Variants in TAF1B observed in about 807,000 individuals in gnomAD.
The protein encoded by TAF1B is TATA-box binding protein associated factor, RNA polymerase I subunit B.
A neutral mutation model predicts 83.9 loss-of-function variants in TAF1B; 61 were observed. The observed-to-expected ratio is 0.73, with a 90% CI of 0.59 to 0.90. The LOEUF is 0.90. TAF1B is among the 40% of genes least tolerant of loss of function. The probability of loss-of-function intolerance (pLI) is 0.00; values close to 1 mark genes in which losing one functional copy is unlikely to be tolerated. For synonymous variants in TAF1B, 221 were observed against 224.6 expected (o/e 0.98, Z 0.14); for missense variants, 625 against 677.0 (o/e 0.92, Z 0.85).
intron 8 of TAF1B, among the ~76,000 whole-genome samples, chr2:9,883,548 A>C (rs769907684): frequency 2.4e-4 from 36 of 152,296 alleles, no homozygotes; most frequent in Middle Eastern, 3.4e-3. Context: ...GTTGAGGTTT[A>C]TCCCTTTCCA....
chr2:9,854,473 A>G (rs1467881019), intron 5 of TAF1B, 52 bp downstream of exon 5: 3 of 1,366,552 alleles, frequency 2.2e-6, no homozygotes, highest in Non-Finnish European at 3.1e-6. Context: ...GTTGAGATGT[A>G]GAGATGAAGA....
intron 5 of TAF1B, 100 bp from the exon 6 acceptor site, chr2:9,868,176 T>TGTG: frequency 7.8e-7 from 1 of 1,280,894 alleles, no homozygotes. Flanking sequence ...TCTAGAGTGG[T>TGTG]TTCTTTTAGG....
rs754366339 is a variant in TAF1B, at chr2:9,904,843, C to T, written c.808-16C>T. 8 of 1,602,976 alleles carry T rather than the reference C, an allele frequency of 5.0e-6. No individual in the cohort carries two copies. The East Asian group carries it at 1.8e-4, about 36-fold the overall frequency. On this transcript the variant is annotated splice_polypyrimidine_tract_variant and intron_variant, in intron 8 of 14. Transcript: ENST00000263663. ...TTGCAAAAATTGCAACTATGATGGT[C>T]TCTCTTTTATTTCAGTCTTGGCCTG...
intron 8 of TAF1B, among the ~76,000 whole-genome samples, chr2:9,901,962 A>T (rs550195136): frequency 6.6e-6 from 1 of 152,196 alleles, no homozygotes; most frequent in Non-Finnish European, 1.5e-5. Context: ...CTTCAGCTAC[A>T]GATCAATCAT....
intron 14 of TAF1B, 21 bp downstream of exon 14, chr2:9,919,841 A>G: frequency 1.9e-6 from 3 of 1,599,648 alleles, no homozygotes; most frequent in Non-Finnish European, 2.6e-6. Flanking sequence ...TTTTAGAAAA[A>G]GTCACATATA....
intron 5 of TAF1B, among the ~76,000 whole-genome samples, chr2:9,857,922 A>G (rs1002784328): frequency 1.3e-5 from 2 of 152,124 alleles, no homozygotes; most frequent in African/African-American, 2.4e-5. Flanking sequence ...AGAGATTTGG[A>G]TGGGGACAGA....
intron 7 of TAF1B, among the ~76,000 whole-genome samples, chr2:9,878,712 C>G (rs73913906): frequency 2.6e-5 from 4 of 152,204 alleles, no homozygotes; most frequent in Non-Finnish European, 5.9e-5. Flanking sequence ...CATCTAGACC[C>G]TTGCGATGCA....
intron 14 of TAF1B, among the ~76,000 whole-genome samples, chr2:9,933,566 G>T (rs1666282199): frequency 6.6e-6 from 1 of 152,190 alleles, no homozygotes; most frequent in South Asian, 2.1e-4. Flanking sequence ...AGCACCACCT[G>T]TGGCCCTTGT....
Position 9,911,545 on chromosome 2 carries a change from A to T in TAF1B, c.1168A>T (p.Lys390Ter). 6.6e-7 allele frequency: 1 copy of T among 1,521,456 alleles called. No individual in the cohort carries two copies. Among genetic ancestry groups the T allele is most frequent in the Non-Finnish European group, 8.9e-7 (1 of 1,127,230 alleles). 94.2% of individuals were successfully genotyped at this position (1,521,456 alleles called of 1,614,324 possible). A position where few individuals can be genotyped will look rare whatever the true frequency, so the allele number is the denominator to read the frequency against. The change falls in exon 11 of 15, where the codon AAG (lysine) becomes TAG (stop). Residue 390 changes from lysine to a stop codon, truncating the protein, a stop_gained. Transcript: ENST00000263663. LOFTEE classifies it high-confidence loss of function. ...LSNLAEKHNE[K>*]NKKDKPWFDF... ...TAATCTTGCTGAAAAGCATAATGAA[A>T]AGAACAAAAAAGGTATTTTAATTTT...
chr2:9,886,157 A>C (rs1664667882), intron 8 of TAF1B, among the ~76,000 whole-genome samples: 1 of 152,192 alleles, frequency 6.6e-6, no homozygotes, highest in Non-Finnish European at 1.5e-5. Context: ...TCCAGACTGG[A>C]AAAACTTTTC....
chr2:9,890,673 G>C (rs144604827), intron 8 of TAF1B, among the ~76,000 whole-genome samples: 371 of 152,118 alleles, frequency 2.4e-3, no homozygotes, highest in Non-Finnish European at 3.9e-3. Context: ...GTGATATTTT[G>C]AGATATGTTT....
At chr2:9,882,347 C>G (rs563607326) in intron 7 of TAF1B, among the ~76,000 whole-genome samples, 1 of 152,292 alleles carries the variant, frequency 6.6e-6, no homozygotes, top group South Asian at 2.1e-4. Flanking sequence ...ATCCGCTTGC[C>G]TTGGCCTCCC....
chr2:9,889,205 G>T (rs1304818203), intron 8 of TAF1B, among the ~76,000 whole-genome samples: 4 of 151,890 alleles, frequency 2.6e-5, no homozygotes, highest in Admixed American at 2.0e-4. Context: ...GCCTCCCCTT[G>T]CCTTTTTCTG....
Position 9,917,440 on chromosome 2 carries a change from A to C in TAF1B, c.1272-1601A>C, listed in dbSNP as rs568628199. 6.6e-5 allele frequency among the ~76,000 whole-genome samples: 10 copies of C among 151,924 alleles called. No individual in the cohort carries two copies. The South Asian group carries it at 1.9e-3, about 28-fold the overall frequency. ...TTGTATTTCTGGCTTCCTATTTTTA[A>C]TCTGTTTTTCTGGAAAGTTCACAGA... On this transcript the variant is annotated intron_variant, in intron 12 of 14. Coordinates refer to ENST00000263663, the MANE Select transcript of TAF1B (RefSeq NM_005680.3).
Position 9,876,037 on chromosome 2 carries a change from A to C in TAF1B, c.707+19A>C. 6.3e-7 allele frequency: 1 copy of C among 1,578,524 alleles called. No homozygotes were observed. ...TTTTGAGGTTAGCTAGACCTCTTGTATGATAATATTTTTGCTGGTTACTAC... is the reference window on the plus strand; with the variant it reads ...TTTTGAGGTTAGCTAGACCTCTTGTCTGATAATATTTTTGCTGGTTACTAC... On this transcript the variant is annotated intron_variant, in intron 7 of 14. Coordinates refer to ENST00000263663, the MANE Select transcript of TAF1B (RefSeq NM_005680.3).
chr2:9,852,097 G>C, intron 4 of TAF1B: 1 of 464,330 alleles, frequency 2.2e-6, no homozygotes, highest in Admixed American at 2.4e-5. Context: ...GTTCACCTGA[G>C]TGCATCAGAA....
intron 3 of TAF1B, 60 bp from the exon 4 acceptor site, chr2:9,851,481 G>C (rs1663389431): frequency 7.8e-7 from 1 of 1,286,672 alleles, no homozygotes; most frequent in African/African-American, 1.5e-5. Flanking sequence ...TGTAACTGTA[G>C]TAGCATTAAA....
intron 5 of TAF1B, 99 bp from the exon 6 acceptor site, chr2:9,868,177 T>G: frequency 2.2e-3 from 2,496 of 1,118,084 alleles, no homozygotes; most frequent in East Asian, 4.9e-3. Context: ...CTAGAGTGGT[T>G]TCTTTTAGGG....
At chr2:9,906,041 AT>A (rs33991230) in intron 9 of TAF1B, among the ~76,000 whole-genome samples, 77,807 of 150,816 alleles carry the variant, frequency 0.52, 22,974 homozygotes, top group Non-Finnish European at 0.68. Context: ...ACTATTTTGG[AT>A]TTTTTTTTTC....
Sources: gnomAD v4.1 joint callset for allele counts (sites outside exome capture counted in the v4.1 genomes callset) on GRCh38, gnomAD v4.1.1 for gene constraint, MANE v1.5 for transcripts, NCBI Gene and HGNC (gene_info 2026-07-23, HGNC 2026-07-21) for gene names.